KAZN: variants seen among roughly 807,000 people sequenced by gnomAD.
KAZN encodes kazrin.
KAZN carries 40 observed loss-of-function variants against 87.4 expected under a neutral mutation model. The observed-to-expected ratio is 0.46, with a 90% CI of 0.36 to 0.60. The LOEUF (loss-of-function observed/expected upper bound fraction) is 0.60, where lower values mean the gene tolerates loss of function less well. Among genes scored for constraint, KAZN ranks in the 20% least tolerant of loss-of-function variants. KAZN has a pLI of 0.00. For synonymous variants in KAZN, 466 were observed against 458.3 expected (o/e 1.02, Z -0.22); for missense variants, 898 against 1,073.9 (o/e 0.84, Z 2.29).
At chr1:15,050,782 G>A (rs917530782) in intron 4 of KAZN, among the ~76,000 whole-genome samples, 2 of 151,450 alleles carry the variant, frequency 1.3e-5, no homozygotes, top group African/African-American at 4.9e-5. Context: ...CCTGAGCCAC[G>A]CCTGTCGTTG....
chr1:14,113,500 G>A (rs915925182), intron 1 of KAZN, among the ~76,000 whole-genome samples: 2 of 152,204 alleles, frequency 1.3e-5, no homozygotes, highest in African/African-American at 4.8e-5. Context: ...GACCGGAGAC[G>A]TCATTTATTA....
intron 1 of KAZN, among the ~76,000 whole-genome samples, chr1:14,643,827 CTGTTA>C (rs1389981568): frequency 6.6e-6 from 1 of 152,070 alleles, no homozygotes; most frequent in Non-Finnish European, 1.5e-5. Context: ...TCATCAGCAT[CTGTTA>C]TATTTTTACT....
chr1:14,445,472 G>A (rs948562241), intron 2 of KAZN, among the ~76,000 whole-genome samples: 1 of 152,190 alleles, frequency 6.6e-6, no homozygotes, highest in Admixed American at 6.5e-5. Flanking sequence ...CAGAAACTGG[G>A]AGAGAGGCTG....
intron 1 of KAZN, among the ~76,000 whole-genome samples, chr1:14,143,775 T>G (rs1645290003): frequency 6.6e-6 from 1 of 151,788 alleles, no homozygotes; most frequent in Non-Finnish European, 1.5e-5. Context: ...TGGAGTACAG[T>G]GGTGTGATCT....
At chr1:14,419,070 T>C (rs1665110197) in intron 2 of KAZN, among the ~76,000 whole-genome samples, 1 of 152,238 alleles carries the variant, frequency 6.6e-6, no homozygotes, top group Admixed American at 6.5e-5. Context: ...TATTCCTATG[T>C]GAGCCGTATT....
At chr1:14,063,360 A>G (rs2101525874) in intron 1 of KAZN, among the ~76,000 whole-genome samples, 2 of 152,308 alleles carry the variant, frequency 1.3e-5, no homozygotes, top group African/African-American at 4.8e-5. Flanking sequence ...CTGTGTAACT[A>G]CCTTCCTAGC....
At chr1:14,043,201 CA>C (rs745839961) in intron 1 of KAZN, among the ~76,000 whole-genome samples, 2 of 152,166 alleles carry the variant, frequency 1.3e-5, no homozygotes, top group Non-Finnish European at 2.9e-5. Flanking sequence ...TTTCACTTAA[CA>C]TAACGTCTTT....
chr1:14,390,222 G>C (rs1429265952), intron 2 of KAZN, among the ~76,000 whole-genome samples: 3 of 152,160 alleles, frequency 2.0e-5, no homozygotes, highest in Admixed American at 2.0e-4. Flanking sequence ...ATCTAGCTCT[G>C]GAGATGAAGC....
chr1:14,826,136 G>A (rs566634244), intron 1 of KAZN, among the ~76,000 whole-genome samples: 3 of 152,316 alleles, frequency 2.0e-5, no homozygotes, highest in African/African-American at 4.8e-5. Context: ...ACATGGAAAT[G>A]TTTTGCTGGT....
chr1:14,858,882 T>G lies in KAZN; in HGVS notation c.227-101802T>G, dbSNP rs904358582. On this transcript the variant is annotated intron_variant, in intron 1 of 14. Transcript: ENST00000376030. ...TGTCCTCGGTCTCTCATCATGTACA[T>G]CTCGTGAAGATCCATGAGATAAAAT... 5.9e-5 allele frequency among the ~76,000 whole-genome samples: 9 copies of G among 152,270 alleles called. No homozygotes were observed. In the South Asian group the frequency reaches 1.2e-3, roughly 21 times the overall value.
chr1:14,645,149 C>G (rs772896748), intron 1 of KAZN, among the ~76,000 whole-genome samples: 9 of 152,262 alleles, frequency 5.9e-5, no homozygotes, highest in Non-Finnish European at 1.2e-4. Context: ...TATTCTGTTC[C>G]ATTGGTCTGT....
intron 2 of KAZN, among the ~76,000 whole-genome samples, chr1:14,458,657 CT>C (rs1245648879): frequency 6.6e-6 from 1 of 152,154 alleles, no homozygotes; most frequent in Non-Finnish European, 1.5e-5. Context: ...CTAAAAACTT[CT>C]GTTCAAACAT....
At chr1:14,417,733 A>C (rs992367646) in intron 2 of KAZN, among the ~76,000 whole-genome samples, 1 of 151,808 alleles carries the variant, frequency 6.6e-6, no homozygotes, top group African/African-American at 2.4e-5. Flanking sequence ...GTGGTGGCTC[A>C]CCCCTGTTAT....
At chr1:14,845,587 A>T (rs1373924927) in intron 1 of KAZN, among the ~76,000 whole-genome samples, 2 of 151,658 alleles carry the variant, frequency 1.3e-5, no homozygotes, top group Non-Finnish European at 2.9e-5. Context: ...GGATGGATGG[A>T]TGGATGGATG....
At chr1:13,992,144 T>C (rs12035545) in intron 1 of KAZN, among the ~76,000 whole-genome samples, 22,896 of 152,092 alleles carry the variant, frequency 0.15, 1,844 homozygotes, top group Middle Eastern at 0.2. Flanking sequence ...AAATCCCACT[T>C]TCTACACTTC....
Position 14,789,760 on chromosome 1 carries a change from C to CAAAAAAAAA in KAZN, c.227-170895_227-170887dup, listed in dbSNP as rs3032757. Among the ~76,000 whole-genome samples, 19 of 46,252 alleles carry CAAAAAAAAA rather than the reference C, an allele frequency of 4.1e-4. 2 individuals are homozygous for CAAAAAAAAA. The highest frequency in any genetic ancestry group is 1.5e-3 in the African/African-American group (18 of 12,020). 30.3% of individuals were successfully genotyped at this position (46,252 alleles called of 152,430 possible). On this transcript the variant is annotated intron_variant, in intron 1 of 14. Coordinates refer to ENST00000376030, the MANE Select transcript of KAZN (RefSeq NM_201628.3). Reference sequence around the variant, plus strand: ...GCAAGGACTCTAAGCTCCTCATTACCAAAAAAAAAAAAAAAAAAAAAAAAA... The same window carrying CAAAAAAAAA: ...GCAAGGACTCTAAGCTCCTCATTACCAAAAAAAAAAAAAAAAAAAAAAAAAAAAAAAAAA...
Position 14,773,689 on chromosome 1 carries a change from C to T in KAZN, c.226+174466C>T, listed in dbSNP as rs1197741293. 1.3e-5 allele frequency among the ~76,000 whole-genome samples: 2 copies of T among 152,146 alleles called. No homozygotes were observed. Among genetic ancestry groups the T allele is most frequent in the Admixed American group, 6.5e-5 (1 of 15,282 alleles). ...ACCATAGCCAGTGCCTCTATGCAGC[C>T]GGTTACCCATTGGCGTCACTTAGCC... On this transcript the variant is annotated intron_variant, in intron 1 of 14. Coordinates refer to ENST00000376030, the MANE Select transcript of KAZN (RefSeq NM_201628.3). The surrounding 1 kb of genome is among the most constrained non-coding windows in gnomAD (Gnocchi z 5.9).
chr1:14,060,067 G>T (rs1475622420), intron 1 of KAZN, among the ~76,000 whole-genome samples: 1 of 152,030 alleles, frequency 6.6e-6, no homozygotes, highest in East Asian at 1.9e-4. Context: ...TGATTGTATA[G>T]TTCTTTTAAG....
At chr1:14,043,083 C>T (rs1049577437) in intron 1 of KAZN, among the ~76,000 whole-genome samples, 2 of 152,214 alleles carry the variant, frequency 1.3e-5, no homozygotes, top group Non-Finnish European at 2.9e-5. Flanking sequence ...TCAATCCCCA[C>T]CCAGTCCTTG....
Sources: gnomAD v4.1 joint callset for allele counts (sites outside exome capture counted in the v4.1 genomes callset) on GRCh38, gnomAD v4.1.1 for gene constraint, Gnocchi (gnomAD v3.1) non-coding constraint, MANE v1.5 for transcripts, NCBI Gene and HGNC (gene_info 2026-07-23, HGNC 2026-07-21) for gene names.